Variants in CROT observed in about 807,000 individuals in gnomAD.
CROT encodes the protein peroxisomal carnitine O-octanoyltransferase.
CROT carries 84 observed loss-of-function variants against 89.2 expected under a neutral mutation model. The observed-to-expected ratio is 0.94, with a 90% confidence interval of 0.79 to 1.13. The LOEUF (loss-of-function observed/expected upper bound fraction) is 1.13, where lower values mean the gene tolerates loss of function less well. Ranked by LOEUF, CROT falls within the 50% of genes most tolerant of loss-of-function variation. The probability of loss-of-function intolerance (pLI) is 0.00; values close to 1 mark genes in which losing one functional copy is unlikely to be tolerated. For missense variants in CROT, 711 were observed against 727.8 expected (o/e 0.98, Z 0.27); for synonymous variants, 212 against 239.5 (o/e 0.89, Z 1.06).
chr7:87,375,775 T>C (rs73196414), intron 8 of CROT, 50 bp downstream of exon 8: 24,876 of 1,612,386 alleles, frequency 0.015, 242 homozygotes, highest in Non-Finnish European at 0.018. Context: ...CAAACTCTTT[T>C]GATGTATTGT....
chr7:87,356,028 T>C (rs932761578), intron 3 of CROT, among the ~76,000 whole-genome samples: 4 of 152,188 alleles, frequency 2.6e-5, no homozygotes, highest in African/African-American at 9.6e-5. Flanking sequence ...TTACCCAGGC[T>C]GGAGTGCAGT....
At chr7:87,354,390 C>T (rs765376965) in intron 3 of CROT, 19 of 518,670 alleles carry the variant, frequency 3.7e-5, no homozygotes, top group South Asian at 2.7e-4. Context: ...GAAAAAAGTG[C>T]TTGGATTTAA....
At chr7:87,368,400 G>C (rs73394164) in intron 6 of CROT, among the ~76,000 whole-genome samples, 4 of 152,218 alleles carry the variant, frequency 2.6e-5, no homozygotes, top group East Asian at 3.9e-4. Context: ...AGTGGTGGTC[G>C]TAGAGGTAAA....
Position 87,382,548 on chromosome 7 carries a change from G to A in CROT, c.1301+5G>A. 1.9e-6 allele frequency: 3 copies of A among 1,606,370 alleles called. No individual in the cohort carries two copies. Among genetic ancestry groups the A allele is most frequent in the Non-Finnish European group, 2.5e-6 (3 of 1,177,874 alleles). On this transcript the variant is annotated splice_donor_5th_base_variant and intron_variant, in intron 13 of 17. Coordinates refer to ENST00000331536, the MANE Select transcript of CROT (RefSeq NM_021151.4). ...CTATTACAGACTTCATGGACAGTAA[G>A]GACCATTCAGTTTCTATTTTCACAG... is the stretch of plus-strand genomic sequence containing the variant.
chr7:87,379,172 G>A (rs1429405128), intron 10 of CROT, among the ~76,000 whole-genome samples: 1 of 152,090 alleles, frequency 6.6e-6, no homozygotes, highest in Non-Finnish European at 1.5e-5. Flanking sequence ...TGACCTGTCT[G>A]CTGCAGTTGG....
chr7:87,383,953 T>C (rs1807110535), intron 13 of CROT, among the ~76,000 whole-genome samples: 1 of 152,112 alleles, frequency 6.6e-6, no homozygotes, highest in Non-Finnish European at 1.5e-5. Flanking sequence ...GATCATCAGA[T>C]TGTAGGGTAG....
chr7:87,374,187 T>C (rs914377859), intron 7 of CROT, among the ~76,000 whole-genome samples: 1 of 152,090 alleles, frequency 6.6e-6, no homozygotes, highest in African/African-American at 2.4e-5. Context: ...ATTAGATGTG[T>C]AGCTGAAAAA....
At chr7:87,380,606 G>GAAAGGTA (rs1325865900) in intron 10 of CROT, among the ~76,000 whole-genome samples, 1 of 152,186 alleles carries the variant, frequency 6.6e-6, no homozygotes, top group East Asian at 1.9e-4. Flanking sequence ...TGCAAGAAAT[G>GAAAGGTA]AAAGGTAAAA....
Position 87,361,515 on chromosome 7 carries a change from A to G in CROT, c.366A>G (p.Leu122=). Reference sequence around the variant, plus strand: ...GGCCTCCAAAGGAAGGGACTCAATTAGAAAGAGGAAGTATAACTCTTTGGC... The same window carrying G: ...GGCCTCCAAAGGAAGGGACTCAATTGGAAAGAGGAAGTATAACTCTTTGGC... ...HYWPPKEGTQ[L]ERGSITLWHN... is the part of the protein sequence containing the mutation. Residue 122 remains leucine, a synonymous_variant, in exon 5 of 18, where the codon TTA becomes TTG. Transcript: ENST00000331536. 6.2e-7 allele frequency: 1 copy of G among 1,612,124 alleles called. No homozygotes were observed. The highest frequency in any genetic ancestry group is 8.5e-7 in the Non-Finnish European group (1 of 1,179,508).
At chr7:87,385,853 T>G (rs746033435) in intron 13 of CROT, among the ~76,000 whole-genome samples, 11 of 152,232 alleles carry the variant, frequency 7.2e-5, no homozygotes, top group Non-Finnish European at 1.6e-4. Context: ...GTATATTTCT[T>G]CTTTACTGAG....
intron 6 of CROT, 105 bp downstream of exon 6, chr7:87,361,957 T>A: frequency 9.6e-7 from 1 of 1,038,148 alleles, no homozygotes; most frequent in Non-Finnish European, 1.3e-6. Flanking sequence ...CTGTTGGGAC[T>A]TTGACAAAGA....
intron 9 of CROT, among the ~76,000 whole-genome samples, chr7:87,376,196 A>G (rs1562934574): frequency 1.3e-5 from 2 of 152,140 alleles, no homozygotes; most frequent in Admixed American, 1.3e-4. Context: ...ATGACTTTGC[A>G]TATCACATAT....
At chr7:87,392,504 A>AT (rs1807394958) in intron 14 of CROT, 62 bp from the exon 15 acceptor site, 4 of 1,328,186 alleles carry the variant, frequency 3.0e-6, no homozygotes, top group South Asian at 2.5e-5. Flanking sequence ...TGAGCTTAGG[A>AT]TTTTTTTCTA....
chr7:87,398,048 A>G (rs911223220), intron 17 of CROT, among the ~76,000 whole-genome samples: 6 of 149,382 alleles, frequency 4.0e-5, no homozygotes, highest in Non-Finnish European at 8.9e-5. Context: ...TGATCCCAAG[A>G]GTTTCTCTTT....
chr7:87,360,952 A>G (rs1806248493), intron 4 of CROT, among the ~76,000 whole-genome samples: 1 of 152,150 alleles, frequency 6.6e-6, no homozygotes, highest in Admixed American at 6.5e-5. Flanking sequence ...ATGATGATTT[A>G]AAACAAGAAA....
intron 4 of CROT, among the ~76,000 whole-genome samples, chr7:87,360,848 C>T (rs772609263): frequency 2.0e-5 from 3 of 152,122 alleles, no homozygotes; most frequent in Non-Finnish European, 4.4e-5. Flanking sequence ...TTTCTTGATA[C>T]TCGTTTTTGA....
intron 2 of CROT, among the ~76,000 whole-genome samples, chr7:87,347,241 C>A (rs1805713284): frequency 6.6e-6 from 1 of 152,186 alleles, no homozygotes; most frequent in Non-Finnish European, 1.5e-5. Context: ...ATGATCTCAC[C>A]ATATTCGCAG....
chr7:87,358,398 T>A lies in CROT; in HGVS notation c.116-808T>A, dbSNP rs551974879. On this transcript the variant is annotated intron_variant, in intron 3 of 17. Coordinates refer to ENST00000331536, the MANE Select transcript of CROT (RefSeq NM_021151.4). ...TCGGGAGGCTGAGGCAGGAGAATGG[T>A]GTGAACCCAGGAGGCGGAGCTTGCA... Among the ~76,000 whole-genome samples, 5 of 143,172 alleles carry A rather than the reference T, an allele frequency of 3.5e-5. No individual in the cohort carries two copies. In the East Asian group the frequency reaches 1.0e-3, roughly 29 times the overall value. The allele number at this position is 143,172 out of a possible 152,430, so 93.9% of individuals were successfully genotyped here. A position where few individuals can be genotyped will look rare whatever the true frequency, so the allele number is the denominator to read the frequency against.
intron 7 of CROT, among the ~76,000 whole-genome samples, chr7:87,371,128 T>A (rs1385636331): frequency 1.3e-5 from 2 of 152,238 alleles, no homozygotes; most frequent in African/African-American, 4.8e-5. Context: ...ATTATACATT[T>A]TGTGTTCTGT....
Sources: gnomAD v4.1 joint callset for allele counts (sites outside exome capture counted in the v4.1 genomes callset) on GRCh38, gnomAD v4.1.1 for gene constraint, MANE v1.5 for transcripts, NCBI Gene and HGNC (gene_info 2026-07-23, HGNC 2026-07-21) for gene names.